TMC1: variants seen among roughly 807,000 people sequenced by gnomAD.
The protein encoded by TMC1 is transmembrane channel-like protein 1.
TMC1 carries 84 observed loss-of-function variants against 105.8 expected under a neutral mutation model. The observed-to-expected ratio is 0.79, with a 90% CI of 0.67 to 0.95. The LOEUF (loss-of-function observed/expected upper bound fraction) is 0.95, where lower values mean the gene tolerates loss of function less well. TMC1 is among the 40% of genes least tolerant of loss of function. The pLI, the probability that TMC1 is intolerant of heterozygous loss-of-function variation, is 0.00. For missense variants in TMC1, 817 were observed against 914.1 expected (o/e 0.89, Z 1.37); for synonymous variants, 315 against 311.5 (o/e 1.01, Z -0.12).
intron 1 of TMC1, among the ~76,000 whole-genome samples, chr9:72,569,855 CT>C (rs1211315361): frequency 2.0e-5 from 3 of 152,156 alleles, no homozygotes; most frequent in Admixed American, 1.3e-4. Flanking sequence ...GCTGATCCCC[CT>C]GAGTGCTGTC....
chr9:72,555,481 C>T (rs1823914964), intron 1 of TMC1, among the ~76,000 whole-genome samples: 1 of 152,142 alleles, frequency 6.6e-6, no homozygotes, highest in South Asian at 2.1e-4. Flanking sequence ...GATACTGCGC[C>T]CGGCCCATAC....
At chr9:72,757,109 T>A (rs1426989543) in intron 12 of TMC1, among the ~76,000 whole-genome samples, 1 of 152,176 alleles carries the variant, frequency 6.6e-6, no homozygotes, top group Non-Finnish European at 1.5e-5. Context: ...AGAGAAATTT[T>A]AAAGGTCAAG....
chr9:72,768,428 A>C (rs1306180848), intron 12 of TMC1, among the ~76,000 whole-genome samples: 1 of 152,194 alleles, frequency 6.6e-6, no homozygotes, highest in Non-Finnish European at 1.5e-5. Flanking sequence ...CTATGTAACA[A>C]ACCTGCACAT....
intron 6 of TMC1, among the ~76,000 whole-genome samples, chr9:72,692,471 T>C (rs922456377): frequency 6.6e-6 from 1 of 152,176 alleles, no homozygotes; most frequent in Non-Finnish European, 1.5e-5. Context: ...TATCTCCACA[T>C]TGTAGTTGAA....
chr9:72,549,769 C>A (rs1302519055), intron 1 of TMC1, among the ~76,000 whole-genome samples: 1 of 152,094 alleles, frequency 6.6e-6, no homozygotes, highest in Admixed American at 6.6e-5. Flanking sequence ...TGCCACCATG[C>A]CCGGCTGATT....
At chr9:72,604,402 A>G (rs1490106403) in intron 2 of TMC1, among the ~76,000 whole-genome samples, 1 of 152,224 alleles carries the variant, frequency 6.6e-6, no homozygotes, top group African/African-American at 2.4e-5. Flanking sequence ...AAAATTTAGT[A>G]AAAACTATTA....
chr9:72,638,327 G>T (rs753140825), intron 4 of TMC1, among the ~76,000 whole-genome samples: 2 of 152,044 alleles, frequency 1.3e-5, no homozygotes, highest in Admixed American at 1.3e-4. Flanking sequence ...CTAGAGGCCC[G>T]GGAGTCATTT....
intron 1 of TMC1, among the ~76,000 whole-genome samples, chr9:72,544,337 A>AT (rs1319738953): frequency 3.9e-5 from 2 of 51,858 alleles, no homozygotes; most frequent in East Asian, 8.2e-4. Context: ...CCCTCAAGGT[A>AT]TATCCACTTC....
chr9:72,566,509 G>T (rs934819550), intron 1 of TMC1, among the ~76,000 whole-genome samples: 1 of 152,166 alleles, frequency 6.6e-6, no homozygotes, highest in Non-Finnish European at 1.5e-5. Context: ...ACTGTTTCAG[G>T]TGGGGTTGGA....
intron 6 of TMC1, among the ~76,000 whole-genome samples, chr9:72,690,141 C>T (rs1348534922): frequency 1.3e-5 from 2 of 151,572 alleles, no homozygotes; most frequent in East Asian, 3.9e-4. Flanking sequence ...ATTGTGGTTA[C>T]CATGGGACTC....
At chr9:72,543,938 CTT>C in intron 1 of TMC1, among the ~76,000 whole-genome samples, 2 of 90,352 alleles carry the variant, frequency 2.2e-5, no homozygotes, top group African/African-American at 1.7e-4. Flanking sequence ...GTTTCTTTTT[CTT>C]TTTCTTTCTT....
chr9:72,580,429 T>A (rs1824455632), intron 2 of TMC1, among the ~76,000 whole-genome samples: 1 of 152,226 alleles, frequency 6.6e-6, no homozygotes, highest in Non-Finnish European at 1.5e-5. Flanking sequence ...TCTGACTGAG[T>A]ACAGGGATCC....
intron 2 of TMC1, among the ~76,000 whole-genome samples, chr9:72,610,065 C>A (rs1824998795): frequency 6.6e-6 from 1 of 152,152 alleles, no homozygotes. Flanking sequence ...ATACCTAGCA[C>A]AATACCTACC....
intron 8 of TMC1, among the ~76,000 whole-genome samples, chr9:72,735,139 A>C (rs996801471): frequency 6.6e-6 from 1 of 152,214 alleles, no homozygotes; most frequent in Non-Finnish European, 1.5e-5. Context: ...TTATTTATCA[A>C]TGAGTCTGGG....
intron 5 of TMC1, among the ~76,000 whole-genome samples, chr9:72,678,423 C>T (rs1175933820): frequency 6.6e-6 from 1 of 152,040 alleles, no homozygotes; most frequent in Non-Finnish European, 1.5e-5. Context: ...AGAATTCAGA[C>T]TCATGCTTAC....
In TMC1 at chr9:72,816,146, T is replaced by G. The variant is rs1828783856; in HGVS notation, c.1699T>G (p.Ser567Ala). 1.2e-6 allele frequency: 2 copies of G among 1,613,278 alleles called. No individual in the cohort carries two copies. Among genetic ancestry groups the G allele is most frequent in the Non-Finnish European group, 1.7e-6 (2 of 1,179,418 alleles). The change falls in exon 19 of 24, where the codon TCA becomes GCA. Residue 567 changes from serine to alanine, a missense_variant. Coordinates refer to ENST00000297784, the MANE Select transcript of TMC1 (RefSeq NM_138691.3). ...WCWDLEYGYP[S>A]YTEFDISGNV... The stretch of plus-strand genomic sequence containing the variant: ...ATGAACATTGTGTCTCCTCTAGCCT[T>G]CATACACCGAATTCGACATCAGTGG...
At chr9:72,783,108 A>G (rs779875360) in intron 13 of TMC1, among the ~76,000 whole-genome samples, 4 of 152,218 alleles carry the variant, frequency 2.6e-5, no homozygotes, top group Non-Finnish European at 4.4e-5. Context: ...ACAGGCACAT[A>G]GACCGTATTA....
At chr9:72,599,042 T>C (rs1824764532) in intron 2 of TMC1, among the ~76,000 whole-genome samples, 1 of 152,090 alleles carries the variant, frequency 6.6e-6, no homozygotes, top group Admixed American at 6.6e-5. Context: ...TTTTTTTTTC[T>C]TTTTTTGAGG....
chr9:72,615,339 A>G (rs1226755362), intron 2 of TMC1, among the ~76,000 whole-genome samples: 1 of 152,198 alleles, frequency 6.6e-6, no homozygotes, highest in Non-Finnish European at 1.5e-5. Flanking sequence ...AGTCAGTGAT[A>G]CTGTTGGAAT....
Sources: gnomAD v4.1 joint callset for allele counts (sites outside exome capture counted in the v4.1 genomes callset) on GRCh38, gnomAD v4.1.1 for gene constraint, MANE v1.5 for transcripts, NCBI Gene and HGNC (gene_info 2026-07-23, HGNC 2026-07-21) for gene names.